Variants in GSN observed in about 807,000 individuals in gnomAD.
The protein encoded by GSN is actin-depolymerizing factor.
In GSN, 56 loss-of-function variants were observed where a neutral mutation model predicts 85.7. That is an observed-to-expected ratio of 0.65 (90% confidence interval 0.53 to 0.82). GSN has a LOEUF of 0.82. Among genes scored for constraint, GSN ranks in the 40% least tolerant of loss-of-function variants. The pLI, the probability that GSN is intolerant of heterozygous loss-of-function variation, is 0.00. For missense variants in GSN, 857 were observed against 979.8 expected (o/e 0.87, Z 1.67); for synonymous variants, 373 against 399.1 (o/e 0.93, Z 0.78).
intron 4 of GSN, among the ~76,000 whole-genome samples, chr9:121,308,116 C>G (rs2060620858): frequency 6.6e-6 from 1 of 152,228 alleles, no homozygotes; most frequent in South Asian, 2.1e-4. Context: ...CCTTGCTCCA[C>G]ACCGAGGTCA....
At chr9:121,312,172 C>A in intron 5 of GSN, 167 bp from the exon 6 acceptor site, 1 of 713,544 alleles carries the variant, frequency 1.4e-6, no homozygotes, top group Non-Finnish European at 2.5e-6. Context: ...GCAGATCACA[C>A]TTAATTGTAC....
At chr9:121,314,196 AC>A (rs1472687659) in intron 7 of GSN, among the ~76,000 whole-genome samples, 173 bp downstream of exon 7, 1 of 152,264 alleles carries the variant, frequency 6.6e-6, no homozygotes, top group East Asian at 1.9e-4. Context: ...GCTTTCCTGC[AC>A]TAAGAGCATG....
chr9:121,259,741 T>C (rs1199601942), intron 6 of GSN, among the ~76,000 whole-genome samples: 2 of 152,208 alleles, frequency 1.3e-5, no homozygotes, highest in African/African-American at 4.8e-5. Context: ...GCACCGGGGA[T>C]TCCCAGAGCC....
chr9:121,318,678 C>T lies in GSN; in HGVS notation c.989C>T (p.Pro330Leu), dbSNP rs1157815026. The change falls in exon 10 of 18, where the codon CCT becomes CTT. Residue 330 changes from proline (P) to leucine (L), a missense_variant. By Grantham distance (98) the Pro-to-Leu change is moderately conservative. Transcript: ENST00000432226. The surrounding 1 kb of genome is among the most constrained non-coding windows in gnomAD (Gnocchi z 4.3). The stretch of plus-strand genomic sequence containing the variant: ...TCCCCTCCCCAGGTCTCGGTCCTTC[C>T]TGAGGGCGGTGAGACCCCACTGTTC... ...YPKQTQVSVL[P>L]EGGETPLFKQ... is the part of the protein sequence containing the mutation. 24 of 1,613,182 alleles carry T rather than the reference C, an allele frequency of 1.5e-5. No individual in the cohort carries two copies. Among genetic ancestry groups the T allele is most frequent in the Non-Finnish European group, 2.0e-5 (24 of 1,179,174 alleles).
At chr9:121,309,029 T>TGGGGTGG (rs2060754291) in intron 4 of GSN, 1 of 152,194 alleles carries the variant, frequency 6.6e-6, no homozygotes, top group Non-Finnish European at 1.5e-5. Context: ...GTGGAAGCCC[T>TGGGGTGG]CTGCTTCCAC....
chr9:121,232,485 A>G (rs1479178424), intron 5 of GSN, among the ~76,000 whole-genome samples: 1 of 152,132 alleles, frequency 6.6e-6, no homozygotes, highest in East Asian at 1.9e-4. Flanking sequence ...CCATGTGTGT[A>G]TGCATGATAG....
chr9:121,331,323 C>A, intron 16 of GSN, 65 bp from the exon 17 acceptor site: 2 of 1,022,124 alleles, frequency 2.0e-6, no homozygotes, highest in Non-Finnish European at 3.0e-6. Context: ...CCTCCCCAGT[C>A]TTCCTCCAGC....
chr9:121,294,075 C>G (rs183810981), intron 2 of GSN, among the ~76,000 whole-genome samples: 2 of 152,304 alleles, frequency 1.3e-5, no homozygotes, highest in Admixed American at 1.3e-4. Flanking sequence ...TTTTCTCCCT[C>G]TTGGAAAGTC....
intron 1 of GSN, among the ~76,000 whole-genome samples, chr9:121,274,796 G>C (rs555941575): frequency 2.2e-4 from 34 of 152,294 alleles, no homozygotes; most frequent in African/African-American, 7.5e-4. Context: ...AAACATCAGT[G>C]GGGGCATGGT....
intron 5 of GSN, among the ~76,000 whole-genome samples, chr9:121,237,804 A>C (rs1644457303): frequency 6.6e-6 from 1 of 152,234 alleles, no homozygotes; most frequent in African/African-American, 2.4e-5. Context: ...CCAGATAATG[A>C]GGACATTATT....
chr9:121,269,776 C>CTACTCCAGAAT, intron 1 of GSN, among the ~76,000 whole-genome samples: 3 of 152,330 alleles, frequency 2.0e-5, no homozygotes, highest in Middle Eastern at 6.8e-3. Flanking sequence ...GAATTTTCCA[C>CTACTCCAGAAT]AGTCCTTTTA....
chr9:121,247,639 G>A (rs1368977694), intron 5 of GSN, among the ~76,000 whole-genome samples: 1 of 152,200 alleles, frequency 6.6e-6, no homozygotes, highest in Non-Finnish European at 1.5e-5. Flanking sequence ...CTAGGCAATA[G>A]CTGTGGGTAT....
intron 1 of GSN, among the ~76,000 whole-genome samples, chr9:121,208,556 G>A (rs1362297683): frequency 6.6e-6 from 1 of 152,198 alleles, no homozygotes; most frequent in African/African-American, 2.4e-5. Context: ...CCCAAATCAT[G>A]CTTCTATATC....
At chr9:121,225,153 T>C (rs531709922) in intron 4 of GSN, among the ~76,000 whole-genome samples, 3 of 152,174 alleles carry the variant, frequency 2.0e-5, no homozygotes, top group African/African-American at 7.2e-5. Context: ...ACAAGAAAAA[T>C]GAGTAAGTTA....
rs1176386653 is a variant in GSN, at chr9:121,302,289, T to G, written c.196+122T>G. On this transcript the variant is annotated intron_variant, in intron 3 of 17. Transcript: ENST00000432226. ...ACCTAGTATGTGCTGGGCCCTTGAC[T>G]GGTGGTTCATGCCCTGAGACGCTAG... 4.5e-6 allele frequency: 5 copies of G among 1,109,612 alleles called. No individual in the cohort carries two copies. In the Admixed American group the frequency reaches 7.3e-5, roughly 16 times the overall value. The allele number at this position is 1,109,612 out of a possible 1,614,324, so 68.7% of individuals were successfully genotyped here. A position where few individuals can be genotyped will look rare whatever the true frequency, so the allele number is the denominator to read the frequency against.
At chr9:121,211,266 G>A (rs750902506) in intron 4 of GSN, among the ~76,000 whole-genome samples, 3 of 152,182 alleles carry the variant, frequency 2.0e-5, no homozygotes, top group Non-Finnish European at 4.4e-5. Context: ...ACAACAATGT[G>A]AATGTACTTA....
intron 3 of GSN, among the ~76,000 whole-genome samples, chr9:121,302,590 A>T (rs1221488021): frequency 1.3e-5 from 2 of 152,024 alleles, no homozygotes; most frequent in African/African-American, 2.4e-5. Flanking sequence ...CTGCCGTGGG[A>T]TGCTATAAGT....
intron 2 of GSN, chr9:121,300,069 A>G (rs2059659804): frequency 6.2e-7 from 1 of 1,605,104 alleles, no homozygotes; most frequent in Non-Finnish European, 8.5e-7. Context: ...TTGCAGATAC[A>G]GCGCTAGGAA....
chr9:121,271,691 G>C (rs2055989590), intron 1 of GSN, among the ~76,000 whole-genome samples: 1 of 152,234 alleles, frequency 6.6e-6, no homozygotes, highest in Non-Finnish European at 1.5e-5. Flanking sequence ...GCAGAGCTTG[G>C]AGAGCTCAGC....
Sources: gnomAD v4.1 joint callset for allele counts (sites outside exome capture counted in the v4.1 genomes callset) on GRCh38, gnomAD v4.1.1 for gene constraint, Gnocchi (gnomAD v3.1) non-coding constraint, MANE v1.5 for transcripts, NCBI Gene and HGNC (gene_info 2026-07-23, HGNC 2026-07-21) for gene names.